Variants in ARHGAP35 observed in about 807,000 individuals in gnomAD.
ARHGAP35 encodes the protein rho GTPase-activating protein 35.
Under a neutral mutation model 111.1 loss-of-function variants are expected in ARHGAP35, and 15 were observed. The observed-to-expected ratio is 0.13, with a 90% CI of 0.09 to 0.21. ARHGAP35 has a LOEUF of 0.21. ARHGAP35 is among the 10% of genes least tolerant of loss of function. The pLI is 1.00. For synonymous variants in ARHGAP35, 643 were observed against 710.3 expected, an observed-to-expected ratio of 0.91 and a Z score of 1.51; for missense variants, 1,262 against 1,873.0, an observed-to-expected ratio of 0.67 and a Z score of 6.02.
intron 5 of ARHGAP35, among the ~76,000 whole-genome samples, chr19:46,995,804 G>T (rs931231530): frequency 1.6e-3 from 243 of 152,246 alleles, no homozygotes; most frequent in Non-Finnish European, 9.8e-4. Flanking sequence ...TCCCCAGAGA[G>T]GCCCTAGAGG....
intron 3 of ARHGAP35, among the ~76,000 whole-genome samples, chr19:46,972,560 A>C (rs1040660570): frequency 2.6e-5 from 4 of 152,204 alleles, no homozygotes. Flanking sequence ...TGCGGGCAGC[A>C]TGACAGATGT....
chr19:46,965,011 C>A (rs1053281890), intron 3 of ARHGAP35, among the ~76,000 whole-genome samples: 1 of 152,130 alleles, frequency 6.6e-6, no homozygotes, highest in African/African-American at 2.4e-5. Flanking sequence ...ATATTCAGTT[C>A]TTAAAATTGA....
intron 1 of ARHGAP35, among the ~76,000 whole-genome samples, chr19:46,863,839 G>C (rs2055841927): frequency 1.3e-5 from 2 of 152,216 alleles, no homozygotes; most frequent in Admixed American, 1.3e-4. Flanking sequence ...TTGTGGGAGG[G>C]GATGGGGAAG....
intron 1 of ARHGAP35, among the ~76,000 whole-genome samples, chr19:46,873,354 G>A (rs887260914): frequency 6.6e-6 from 1 of 152,010 alleles, no homozygotes; most frequent in Non-Finnish European, 1.5e-5. Context: ...GGAGCCGGCT[G>A]GGCATGGTGG....
rs529769666 is a variant in ARHGAP35 at position 46,965,050 on chromosome 19, C to T, written c.3827-22939C>T. On this transcript the variant is annotated intron_variant, in intron 3 of 6. Transcript: ENST00000672722. ...TTTTTAGGCCAGGCGCGGTGGCTCACGCCTGTAATCCCAGCGCTTTGGGAG... is the reference window on the plus strand; with the variant it reads ...TTTTTAGGCCAGGCGCGGTGGCTCATGCCTGTAATCCCAGCGCTTTGGGAG... Among the ~76,000 whole-genome samples, 17 of 152,318 alleles carry T rather than the reference C, an allele frequency of 1.1e-4. No homozygotes were observed. The East Asian group carries it at 2.9e-3, about 26-fold the overall frequency.
At chr19:46,889,368 A>G (rs997656678) in intron 1 of ARHGAP35, among the ~76,000 whole-genome samples, 15 of 151,892 alleles carry the variant, frequency 9.9e-5, no homozygotes, top group Non-Finnish European at 1.5e-5. Flanking sequence ...CTGAGGCAGG[A>G]GAATCCCTTG....
chr19:46,869,683 C>A (rs181944473), intron 1 of ARHGAP35, among the ~76,000 whole-genome samples: 1 of 152,156 alleles, frequency 6.6e-6, no homozygotes, highest in East Asian at 1.9e-4. Flanking sequence ...GTTCTTTGTT[C>A]AGTAACAAAT....
chr19:46,946,166 G>A (rs190453711), intron 3 of ARHGAP35, among the ~76,000 whole-genome samples: 36 of 152,322 alleles, frequency 2.4e-4, no homozygotes, highest in African/African-American at 7.7e-4. Context: ...CCCTCACCCC[G>A]CTTTCTGTTC....
intron 5 of ARHGAP35, among the ~76,000 whole-genome samples, chr19:46,995,248 C>G (rs2056701279): frequency 1.3e-5 from 2 of 152,298 alleles, no homozygotes; most frequent in South Asian, 4.1e-4. Context: ...AACCCCGTCT[C>G]TACTAAAAAT....
chr19:46,980,661 G>A (rs1385689706), intron 3 of ARHGAP35, among the ~76,000 whole-genome samples: 3 of 152,192 alleles, frequency 2.0e-5, no homozygotes, highest in Non-Finnish European at 2.9e-5. Context: ...GGCTTGTTAA[G>A]AGTGTAGAGA....
chr19:46,866,993 G>C (rs143349819), intron 1 of ARHGAP35, among the ~76,000 whole-genome samples: 3 of 152,278 alleles, frequency 2.0e-5, no homozygotes, highest in African/African-American at 7.2e-5. Context: ...CAAATAATTC[G>C]TGTTCATCTT....
intron 1 of ARHGAP35, among the ~76,000 whole-genome samples, chr19:46,868,421 GATTA>G (rs2055869869): frequency 6.6e-6 from 1 of 152,190 alleles, no homozygotes; most frequent in Non-Finnish European, 1.5e-5. Flanking sequence ...AGACTATTCT[GATTA>G]ATGTCTGGCT....
At chr19:46,987,505 G>T (rs935788898) in intron 3 of ARHGAP35, among the ~76,000 whole-genome samples, 1 of 152,026 alleles carries the variant, frequency 6.6e-6, no homozygotes, top group Non-Finnish European at 1.5e-5. Flanking sequence ...GTGAGCCACC[G>T]CTCCCAGCCA....
At chr19:46,930,935 A>T (rs2056269318) in intron 2 of ARHGAP35, among the ~76,000 whole-genome samples, 1 of 152,122 alleles carries the variant, frequency 6.6e-6, no homozygotes, top group South Asian at 2.1e-4. Context: ...TTCATTAAAA[A>T]AAAACAAACC....
At chr19:46,966,494 AGCCATGGTT>A (rs2056515876) in intron 3 of ARHGAP35, among the ~76,000 whole-genome samples, 4 of 152,208 alleles carry the variant, frequency 2.6e-5, no homozygotes. Flanking sequence ...AGCCATGGTG[AGCCATGGTT>A]GCACCACTGT....
At position 46,999,918 on chromosome 19, in the gene ARHGAP35, A is replaced by C; in HGVS notation, c.4143-413A>C. On this transcript the variant is annotated intron_variant, in intron 6 of 6. Coordinates refer to ENST00000672722, the MANE Select transcript of ARHGAP35 (RefSeq NM_004491.5). This position sits in a 1 kb window ranked among gnomAD's most constrained non-coding sequence, Gnocchi z 5.4. The stretch of plus-strand genomic sequence containing the variant: ...AGCACAGCCGCAGGCGGGAGGCCGT[A>C]TGGTTGTTCCCTGAAGTTCCATGTG... The C allele has an allele frequency of 4.5e-6, 1 of 223,280 alleles. No homozygotes were observed. The highest frequency in any genetic ancestry group is 8.8e-6 in the Non-Finnish European group (1 of 113,884). The allele number at this position is 223,280 out of a possible 1,614,324, so 13.8% of individuals were successfully genotyped here. A position where few individuals can be genotyped will look rare whatever the true frequency, so the allele number is the denominator to read the frequency against.
intron 1 of ARHGAP35, among the ~76,000 whole-genome samples, chr19:46,895,311 T>C (rs922751848): frequency 2.6e-5 from 4 of 151,902 alleles, no homozygotes; most frequent in Non-Finnish European, 4.4e-5. Flanking sequence ...CTACAGGCGC[T>C]CACCACCACG....
rs1166306216 is a variant in ARHGAP35 at position 46,884,268 on chromosome 19, GC to G, written c.-189+23061del. Among the ~76,000 whole-genome samples the G allele has an allele frequency of 2.6e-5, 4 of 151,904 alleles. No homozygotes were observed. In the East Asian group the frequency reaches 7.8e-4, roughly 30 times the overall value. On this transcript the variant is annotated intron_variant, in intron 1 of 6. Coordinates refer to ENST00000672722, the MANE Select transcript of ARHGAP35 (RefSeq NM_004491.5). ...GGAGGCTACAGTAAGCAATGATTGTGCCAACTACACTCCAGCCTGGGCAACA... is the reference window on the plus strand; with the variant it reads ...GGAGGCTACAGTAAGCAATGATTGTGCAACTACACTCCAGCCTGGGCAACA...
intron 1 of ARHGAP35, among the ~76,000 whole-genome samples, chr19:46,903,309 C>G (rs983550119): frequency 1.3e-5 from 2 of 152,136 alleles, no homozygotes; most frequent in Non-Finnish European, 2.9e-5. Context: ...GAGTCAGAGT[C>G]GGTCTGCTGA....
Sources: allele counts gnomAD v4.1 joint callset (sites outside exome capture counted in the v4.1 genomes callset), GRCh38; gene constraint gnomAD v4.1.1; non-coding constraint Gnocchi (gnomAD v3.1); transcripts MANE v1.5; gene names NCBI Gene and HGNC (gene_info 2026-07-23, HGNC 2026-07-21).